TDRD10: variants seen among roughly 807,000 people sequenced by gnomAD.
The protein encoded by TDRD10 is tudor domain-containing protein 10.
In TDRD10, 40 loss-of-function variants were observed where a neutral mutation model predicts 48.0. The ratio of observed to expected loss-of-function variants is 0.83; its 90% CI spans 0.65 to 1.09. TDRD10 has a LOEUF of 1.09. Ranked by LOEUF, TDRD10 falls within the 50% of genes least tolerant of loss-of-function variation. The probability of loss-of-function intolerance (pLI) is 0.00; values close to 1 mark genes in which losing one functional copy is unlikely to be tolerated. For missense variants in TDRD10, 378 were observed against 434.7 expected, an observed-to-expected ratio of 0.87 and a Z score of 1.16; for synonymous variants, 162 against 170.4, an observed-to-expected ratio of 0.95 and a Z score of 0.38.
chr1:154,532,085 G>T (rs569821221), intron 6 of TDRD10, among the ~76,000 whole-genome samples: 1 of 152,212 alleles, frequency 6.6e-6, no homozygotes, highest in African/African-American at 2.4e-5. Context: ...GGTGCTGTGC[G>T]CCCACACTCC....
At chr1:154,543,612 A>G (rs1695371513) in intron 8 of TDRD10, among the ~76,000 whole-genome samples, 1 of 152,154 alleles carries the variant, frequency 6.6e-6, no homozygotes, top group Non-Finnish European at 1.5e-5. Flanking sequence ...CACCTGCATC[A>G]TTTAGAGGCT....
intron 6 of TDRD10, among the ~76,000 whole-genome samples, chr1:154,531,175 A>G (rs1309473727): frequency 6.6e-6 from 1 of 152,084 alleles, no homozygotes; most frequent in Non-Finnish European, 1.5e-5. Flanking sequence ...TTTTTGGCTG[A>G]GACTTGGTTC....
chr1:154,502,678 C>G lies in TDRD10; in HGVS notation c.-379C>G, dbSNP rs993562931. 1 of 152,372 alleles carries G rather than the reference C, an allele frequency of 6.6e-6. No homozygotes were observed. The highest frequency in any genetic ancestry group is 2.4e-5 in the African/African-American group (1 of 41,464). The allele number at this position is 152,372 out of a possible 1,614,324, so 9.4% of individuals were successfully genotyped here. A position where few individuals can be genotyped will look rare whatever the true frequency, so the allele number is the denominator to read the frequency against. ...CTCGGCCGGGCGCTGCCTTCACACGCGCCCAGGAGTGTCACGTGCGCCGCT... is the reference window on the plus strand; with the variant it reads ...CTCGGCCGGGCGCTGCCTTCACACGGGCCCAGGAGTGTCACGTGCGCCGCT... On this transcript the variant is annotated 5_prime_UTR_variant, in exon 1 of 13. Coordinates refer to ENST00000368482, the MANE Select transcript of TDRD10 (RefSeq NM_182499.4).
intron 6 of TDRD10, among the ~76,000 whole-genome samples, chr1:154,534,214 T>C (rs1299316810): frequency 6.6e-6 from 1 of 152,038 alleles, no homozygotes; most frequent in African/African-American, 2.4e-5. Context: ...GCCCCCAAAA[T>C]CTAAAATATT....
chr1:154,546,095 A>G (rs1359897433), intron 11 of TDRD10, among the ~76,000 whole-genome samples: 1 of 144,000 alleles, frequency 6.9e-6, no homozygotes, highest in Non-Finnish European at 1.5e-5. Flanking sequence ...AAGTCTTGAG[A>G]TGGAGTCTTG....
At chr1:154,503,922 A>G (rs1029033954) in intron 1 of TDRD10, among the ~76,000 whole-genome samples, 4 of 152,198 alleles carry the variant, frequency 2.6e-5, no homozygotes, top group African/African-American at 9.6e-5. Flanking sequence ...TGTGCACCTC[A>G]AGTGTTTTCA....
intron 6 of TDRD10, among the ~76,000 whole-genome samples, chr1:154,530,290 G>A (rs1199233269): frequency 2.0e-5 from 3 of 152,022 alleles, no homozygotes; most frequent in Non-Finnish European, 4.4e-5. Flanking sequence ...GCTGGGATTA[G>A]AGGCATGAAG....
intron 11 of TDRD10, 85 bp from the exon 12 acceptor site, chr1:154,547,324 C>CA (rs113168174): frequency 0.2 from 296,545 of 1,471,854 alleles, 31,151 homozygotes; most frequent in South Asian, 0.24. Context: ...ACTTTCCCTG[C>CA]AGCCCCCGCC....
intron 6 of TDRD10, among the ~76,000 whole-genome samples, chr1:154,536,590 A>T (rs1694929823): frequency 6.6e-6 from 1 of 152,212 alleles, no homozygotes; most frequent in Non-Finnish European, 1.5e-5. Context: ...GTACAGCTTG[A>T]CGAATTTTGA....
rs552932483 is a variant in TDRD10, at chr1:154,544,709, C to T, written c.798-86C>T. The T allele has an allele frequency of 5.2e-6, 8 of 1,542,588 alleles. No homozygotes were observed. In the South Asian group the frequency reaches 8.8e-5, roughly 17 times the overall value. The stretch of plus-strand genomic sequence containing the variant: ...ACTCGCTCTTCCTCCCTCCTACCTC[C>T]ACTTTCACATCCACTTTGTTGAGGA... On this transcript the variant is annotated intron_variant, in intron 10 of 12. Coordinates refer to ENST00000368482, the MANE Select transcript of TDRD10 (RefSeq NM_182499.4).
chr1:154,516,287 A>G (rs941036490), intron 4 of TDRD10, among the ~76,000 whole-genome samples: 2 of 152,148 alleles, frequency 1.3e-5, no homozygotes, highest in African/African-American at 4.8e-5. Flanking sequence ...GCGAGTTTGT[A>G]TGCTCATCCA....
intron 11 of TDRD10, among the ~76,000 whole-genome samples, chr1:154,545,387 T>C (rs1695492738): frequency 1.3e-5 from 2 of 152,180 alleles, no homozygotes; most frequent in South Asian, 4.1e-4. Flanking sequence ...TCTCCTAATG[T>C]GATTCATTTA....
At chr1:154,547,250 G>C (rs1434508723) in intron 11 of TDRD10, among the ~76,000 whole-genome samples, 159 bp from the exon 12 acceptor site, 1 of 152,122 alleles carries the variant, frequency 6.6e-6, no homozygotes, top group African/African-American at 2.4e-5. Flanking sequence ...ATTTGATCCT[G>C]GCAGCAGGGA....
chr1:154,502,987 GGC>G lies in TDRD10; in HGVS notation c.-68_-67del, dbSNP rs1449392308. ...GCGGAGGGAGAAGGCGCGAAGGCTGGGCGTCGCGATCGCAGGTGCACGCGCGT... is the reference window on the plus strand; with the variant it reads ...GCGGAGGGAGAAGGCGCGAAGGCTGGGTCGCGATCGCAGGTGCACGCGCGT... On this transcript the variant is annotated 5_prime_UTR_variant, in exon 1 of 13. Transcript: ENST00000368482. The G allele has an allele frequency of 6.6e-6, 1 of 152,284 alleles. No individual in the cohort carries two copies. Among genetic ancestry groups the G allele is most frequent in the African/African-American group, 2.4e-5 (1 of 41,464 alleles). 9.4% of individuals were successfully genotyped at this position (152,284 alleles called of 1,614,324 possible). A position where few individuals can be genotyped will look rare whatever the true frequency, so the allele number is the denominator to read the frequency against.
At chr1:154,527,882 T>C (rs1314148471) in intron 6 of TDRD10, among the ~76,000 whole-genome samples, 3 of 152,230 alleles carry the variant, frequency 2.0e-5, no homozygotes, top group African/African-American at 4.8e-5. Context: ...TTGAGATTAA[T>C]AGCAGATTCA....
chr1:154,505,551 TAGAGA>T (rs1693100733), intron 1 of TDRD10, among the ~76,000 whole-genome samples: 1 of 152,244 alleles, frequency 6.6e-6, no homozygotes, highest in African/African-American at 2.4e-5. Context: ...GGGAATAATT[TAGAGA>T]AAAGAGTTAC....
At chr1:154,532,819 G>A (rs1056370957) in intron 6 of TDRD10, among the ~76,000 whole-genome samples, 4 of 152,210 alleles carry the variant, frequency 2.6e-5, no homozygotes, top group Admixed American at 6.5e-5. Flanking sequence ...GCTGCCAGGT[G>A]AGGATGGAAG....
chr1:154,537,956 T>G (rs1695010539), intron 6 of TDRD10, among the ~76,000 whole-genome samples: 1 of 152,196 alleles, frequency 6.6e-6, no homozygotes, highest in Non-Finnish European at 1.5e-5. Flanking sequence ...TTGCAGCTAT[T>G]GAGGTGCTGC....
At chr1:154,543,744 A>G (rs553266055) in intron 8 of TDRD10, among the ~76,000 whole-genome samples, 3 of 151,968 alleles carry the variant, frequency 2.0e-5, no homozygotes, top group Admixed American at 2.0e-4. Context: ...TTCAACCCCT[A>G]CGCCCCCAGA....
Sources: gnomAD v4.1 joint callset for allele counts (sites outside exome capture counted in the v4.1 genomes callset) on GRCh38, gnomAD v4.1.1 for gene constraint, MANE v1.5 for transcripts, NCBI Gene and HGNC (gene_info 2026-07-23, HGNC 2026-07-21) for gene names.